RGS14: variants seen among roughly 807,000 people sequenced by gnomAD.
The protein encoded by RGS14 is regulator of G-protein signaling 14.
RGS14 carries 33 observed loss-of-function variants against 63.8 expected under a neutral mutation model. The ratio of observed to expected loss-of-function variants is 0.52; its 90% CI spans 0.39 to 0.69. The LOEUF is 0.69. Ranked by LOEUF, RGS14 falls within the 30% of genes least tolerant of loss-of-function variation. RGS14 has a pLI of 0.00. For synonymous variants in RGS14, 296 were observed against 320.9 expected (o/e 0.92, Z 0.83); for missense variants, 739 against 742.9 (o/e 0.99, Z 0.06).
rs1265591713 is a variant in RGS14, at chr5:177,359,592, G to C, written c.45+1523G>C. 6.6e-6 allele frequency among the ~76,000 whole-genome samples: 1 copy of C among 152,176 alleles called. No homozygotes were observed. Among genetic ancestry groups the C allele is most frequent in the Non-Finnish European group, 1.5e-5 (1 of 68,016 alleles). On this transcript the variant is annotated intron_variant, in intron 1 of 14. Coordinates refer to ENST00000408923, the MANE Select transcript of RGS14 (RefSeq NM_006480.5). This position sits in a 1 kb window ranked among gnomAD's most constrained non-coding sequence, Gnocchi z 4.4. Reference sequence around the variant, plus strand: ...CCTAGAGCAGGGAGGGTGCCCCAAGGTCTGCCCCCAGTTCCATCAAGCCCA... The same window carrying C: ...CCTAGAGCAGGGAGGGTGCCCCAAGCTCTGCCCCCAGTTCCATCAAGCCCA...
At chr5:177,362,847 C>T (rs2127327281) in intron 1 of RGS14, among the ~76,000 whole-genome samples, 1 of 152,298 alleles carries the variant, frequency 6.6e-6, no homozygotes, top group Admixed American at 6.5e-5. Context: ...CACTTAACGA[C>T]ATTCAGTTAA....
At chr5:177,370,818 C>G in intron 10 of RGS14, 87 bp from the exon 11 acceptor site, 3 of 1,551,528 alleles carry the variant, frequency 1.9e-6, no homozygotes, top group Non-Finnish European at 2.6e-6. Flanking sequence ...TTCTGCAGTT[C>G]AAGCTCCACC....
chr5:177,371,312 T>C lies in RGS14; in HGVS notation c.1337-38T>C. ...TGGCCCAGGAGGAAGGGGGTCCAGG[T>C]GGGAGGCAAACACTAACTGTGGCCC... On this transcript the variant is annotated intron_variant, in intron 12 of 14. Coordinates refer to ENST00000408923, the MANE Select transcript of RGS14 (RefSeq NM_006480.5). The surrounding 1 kb of genome is among the most constrained non-coding windows in gnomAD (Gnocchi z 6.1). 1 of 1,613,848 alleles carries C rather than the reference T, an allele frequency of 6.2e-7. No individual in the cohort carries two copies. Among genetic ancestry groups the C allele is most frequent in the Non-Finnish European group, 8.5e-7 (1 of 1,179,926 alleles).
Position 177,366,245 on chromosome 5 carries a change from C to T in RGS14, c.136C>T (p.Leu46Phe), listed in dbSNP as rs1762089695. 3 of 1,591,276 alleles carry T rather than the reference C, an allele frequency of 1.9e-6. No individual in the cohort carries two copies. Among genetic ancestry groups the T allele is most frequent in the Non-Finnish European group, 2.6e-6 (3 of 1,170,058 alleles). Residue 46 changes from leucine to phenylalanine, a missense_variant, in exon 3 of 15, where the codon CTC becomes TTC. By Grantham distance (22) the Leu-to-Phe change is conservative. Coordinates refer to ENST00000408923, the MANE Select transcript of RGS14 (RefSeq NM_006480.5). The stretch of plus-strand genomic sequence containing the variant: ...CGGCAGCTCTCTCAGCATCCACAGC[C>T]TCCCCAGTGGTCCCAGCAGCCCCTT... ...GRGSSLSIHS[L>F]PSGPSSPFPT...
rs1333415811 is a variant in RGS14 at position 177,367,715 on chromosome 5, A to G, written c.629A>G (p.Lys210Arg). 6.2e-7 allele frequency: 1 copy of G among 1,612,552 alleles called. No individual in the cohort carries two copies. Among genetic ancestry groups the G allele is most frequent in the Non-Finnish European group, 8.5e-7 (1 of 1,179,546 alleles). Residue 210 changes from lysine to arginine, a missense_variant and splice_region_variant, in exon 7 of 15, where the codon AAG (lysine) becomes AGG (arginine). Lys to Arg is a conservative substitution (Grantham distance 26). Transcript: ENST00000408923. Reference protein sequence around the residue: ...RLGSPDATRKKPKLKPGKSLP... With the variant: ...RLGSPDATRKRPKLKPGKSLP... Reference sequence around the variant, plus strand: ...CCAGCGCCTCCCCTGTACCCACAGAAGCCGAAGCTGAAGCCCGGGAAGTCG... The same window carrying G: ...CCAGCGCCTCCCCTGTACCCACAGAGGCCGAAGCTGAAGCCCGGGAAGTCG...
In RGS14 at chr5:177,368,897, G is replaced by T. The variant is rs1346440286; in HGVS notation, c.1030G>T (p.Val344Phe). ...KRGLSLPDIK[V>F]YLVGNEQALV... Reference sequence around the variant, plus strand: ...AGGCCTCTCTCTACCTGACATCAAGGTCTACCTGGTGGGCAATGAACAGGT... The same window carrying T: ...AGGCCTCTCTCTACCTGACATCAAGTTCTACCTGGTGGGCAATGAACAGGT... Residue 344 changes from valine (V) to phenylalanine (F), a missense_variant, in exon 9 of 15, where the codon GTC becomes TTC. Val to Phe is a conservative substitution (Grantham distance 50). Coordinates refer to ENST00000408923, the MANE Select transcript of RGS14 (RefSeq NM_006480.5). 1 of 1,614,170 alleles carries T rather than the reference G, an allele frequency of 6.2e-7. No individual in the cohort carries two copies. The highest frequency in any genetic ancestry group is 8.5e-7 in the Non-Finnish European group (1 of 1,180,028).
rs1762293235 is a variant in RGS14 at position 177,372,270 on chromosome 5, C to G, written c.*195C>G. 1.7e-6 allele frequency: 1 copy of G among 596,188 alleles called. No individual in the cohort carries two copies. The highest frequency in any genetic ancestry group is 3.0e-6 in the Non-Finnish European group (1 of 336,784). The allele number at this position is 596,188 out of a possible 1,614,324, so 36.9% of individuals were successfully genotyped here. A position where few individuals can be genotyped will look rare whatever the true frequency, so the allele number is the denominator to read the frequency against. ...CCCCACAGCTGCCACCGCCTTGTCC[C>G]TCAACAAGCTCACCCCCAATCCCTT... On this transcript the variant is annotated 3_prime_UTR_variant, in exon 15 of 15. Transcript: ENST00000408923.
Position 177,372,070 on chromosome 5 carries a change from C to G in RGS14, c.1696C>G (p.Leu566Val). Reference protein sequence around the residue: ...GSLNSTTDSAL With the variant: ...GSLNSTTDSAV ...CTTGAACTCCACCACCGACTCAGCC[C>G]TCTGACAGCTACCCAACAGTCCAGG... The change falls in exon 15 of 15, where the codon CTC becomes GTC. Residue 566 changes from leucine to valine, a missense_variant. Physicochemically the swap from Leu to Val is conservative, Grantham distance 32. Transcript: ENST00000408923. 1 of 1,613,756 alleles carries G rather than the reference C, an allele frequency of 6.2e-7. No individual in the cohort carries two copies. The highest frequency in any genetic ancestry group is 1.3e-5 in the African/African-American group (1 of 75,058).
rs1380318858 is a variant in RGS14 at position 177,371,895 on chromosome 5, G to C, written c.1521G>C (p.Arg507=). 1 of 1,613,366 alleles carries C rather than the reference G, an allele frequency of 6.2e-7. No individual in the cohort carries two copies. The highest frequency in any genetic ancestry group is 1.3e-5 in the African/African-American group (1 of 74,916). ...DIEGLVELLN[R]VQSSGAHDQR... ...CAGGCCTGGTGGAGCTGCTGAACCG[G>C]GTGCAGAGCAGCGGGGCCCACGACC... Residue 507 remains arginine, a synonymous_variant, in exon 15 of 15, where the codon CGG becomes CGC. Transcript: ENST00000408923. The surrounding 1 kb of genome is among the most constrained non-coding windows in gnomAD (Gnocchi z 6.1).
Position 177,371,747 on chromosome 5 carries a change from A to AG in RGS14, c.1499-121dup. On this transcript the variant is annotated intron_variant, in intron 14 of 14. Transcript: ENST00000408923. This position sits in a 1 kb window ranked among gnomAD's most constrained non-coding sequence, Gnocchi z 6.1. ...GTTGGGGGGTCAAAGGGGCTGGAAC[A>AG]GGGGGCCGCAGGCCATTGGTGCTGG... is the stretch of plus-strand genomic sequence containing the variant. The AG allele has an allele frequency of 1.1e-6, 1 of 947,226 alleles. No homozygotes were observed. The highest frequency in any genetic ancestry group is 2.1e-5 in the African/African-American group (1 of 46,656). The allele number at this position is 947,226 out of a possible 1,614,324, so 58.7% of individuals were successfully genotyped here.
chr5:177,367,077 G>A lies in RGS14; in HGVS notation c.483+43G>A, dbSNP rs748272716. The A allele has an allele frequency of 7.6e-6, 12 of 1,574,964 alleles. No individual in the cohort carries two copies. The South Asian group carries it at 1.3e-4, about 17-fold the overall frequency. On this transcript the variant is annotated intron_variant, in intron 5 of 14. Transcript: ENST00000408923. ...GATTGGCCTTGAAAGGGAGACAAAA[G>A]GAGCAGGGGCGGGGTCGGACCCTGG...
rs1319668282 is a variant in RGS14 at position 177,366,237 on chromosome 5, T to A, written c.128T>A (p.Ile43Asn). 5 of 1,593,720 alleles carry A rather than the reference T, an allele frequency of 3.1e-6. No individual in the cohort carries two copies. The highest frequency in any genetic ancestry group is 4.3e-6 in the Non-Finnish European group (5 of 1,171,306). ...GAGGGCCGCGGCAGCTCTCTCAGCATCCACAGCCTCCCCAGTGGTCCCAGC... is the reference window on the plus strand; with the variant it reads ...GAGGGCCGCGGCAGCTCTCTCAGCAACCACAGCCTCCCCAGTGGTCCCAGC... ...QGEGRGSSLS[I>N]HSLPSGPSSP... is the part of the protein sequence containing the mutation. Residue 43 changes from isoleucine (I) to asparagine (N), a missense_variant, in exon 3 of 15, where the codon ATC (isoleucine) becomes AAC (asparagine). Coordinates refer to ENST00000408923, the MANE Select transcript of RGS14 (RefSeq NM_006480.5).
At position 177,371,084 on chromosome 5, in the gene RGS14, GC is replaced by G. The variant is rs1486721668; in HGVS notation, c.1254+55del. ...GGGGCGGGGCCGGGCCGGGGCCGGG[GC>G]CGGGGCCGGGGCCGGGGCCGGGGCC... On this transcript the variant is annotated intron_variant, in intron 11 of 14. Transcript: ENST00000408923. This position sits in a 1 kb window ranked among gnomAD's most constrained non-coding sequence, Gnocchi z 6.1. The G allele has an allele frequency of 1.9e-3, 996 of 535,678 alleles. 24 individuals carry two copies. The African/African-American group carries it at 0.032, about 17-fold the overall frequency. The allele number at this position is 535,678 out of a possible 1,614,324, so 33.2% of individuals were successfully genotyped here. A position where few individuals can be genotyped will look rare whatever the true frequency, so the allele number is the denominator to read the frequency against.
chr5:177,360,687 G>A (rs1400460483), intron 1 of RGS14, among the ~76,000 whole-genome samples: 1 of 151,764 alleles, frequency 6.6e-6, no homozygotes, highest in Admixed American at 6.6e-5. Context: ...GCCGAGGCGG[G>A]CAGATCATGA....
At position 177,367,881 on chromosome 5, in the gene RGS14, T is replaced by C; in HGVS notation, c.739+56T>C. The C allele has an allele frequency of 2.0e-6, 3 of 1,489,272 alleles. No individual in the cohort carries two copies. The African/African-American group carries it at 4.2e-5, about 21-fold the overall frequency. The allele number at this position is 1,489,272 out of a possible 1,614,324, so 92.3% of individuals were successfully genotyped here. A position where few individuals can be genotyped will look rare whatever the true frequency, so the allele number is the denominator to read the frequency against. The stretch of plus-strand genomic sequence containing the variant: ...GGGAAGGCGGGAGTTTGGTTAAATT[T>C]GGGGAGTGCCCCCTTCCTCCTACGT... On this transcript the variant is annotated intron_variant, in intron 7 of 14. Transcript: ENST00000408923.
intron 1 of RGS14, among the ~76,000 whole-genome samples, chr5:177,361,614 T>C (rs1357243796): frequency 3.9e-5 from 6 of 152,018 alleles, no homozygotes; most frequent in African/African-American, 1.2e-4. Flanking sequence ...AGTTTCCTCA[T>C]CTGTAAAATG....
chr5:177,369,189 C>G (rs1762180874), intron 9 of RGS14: 1 of 510,960 alleles, frequency 2.0e-6, no homozygotes, highest in Non-Finnish European at 3.6e-6. Context: ...GGGTTTGCCC[C>G]TCATCATTCC....
rs2127328834 is a variant in RGS14, at chr5:177,364,272, G to A, written c.46-1691G>A. On this transcript the variant is annotated intron_variant, in intron 1 of 14. Transcript: ENST00000408923. The surrounding 1 kb of genome is among the most constrained non-coding windows in gnomAD (Gnocchi z 4.6). Reference sequence around the variant, plus strand: ...CTGGTGGTAGGAACTTCTGTGACAGGGCATGGTGAAAGTGTAGGAGGTAAG... The same window carrying A: ...CTGGTGGTAGGAACTTCTGTGACAGAGCATGGTGAAAGTGTAGGAGGTAAG... Among the ~76,000 whole-genome samples, 1 of 152,268 alleles carries A rather than the reference G, an allele frequency of 6.6e-6. No individual in the cohort carries two copies. The highest frequency in any genetic ancestry group is 1.9e-4 in the East Asian group (1 of 5,190).
At position 177,367,744 on chromosome 5, in the gene RGS14, C is replaced by T. The variant is rs772672265; in HGVS notation, c.658C>T (p.Pro220Ser). Reference protein sequence around the residue: ...KPKLKPGKSLPLGVEELGQLP... With the variant: ...KPKLKPGKSLSLGVEELGQLP... Reference sequence around the variant, plus strand: ...GAAGCTGAAGCCCGGGAAGTCGCTGCCGCTGGGTGTGGAGGAGTTGGGGCA... The same window carrying T: ...GAAGCTGAAGCCCGGGAAGTCGCTGTCGCTGGGTGTGGAGGAGTTGGGGCA... The change falls in exon 7 of 15, where the codon CCG (proline) becomes TCG (serine). Residue 220 changes from proline (P) to serine (S), a missense_variant. Pro to Ser is a moderately conservative substitution (Grantham distance 74). Coordinates refer to ENST00000408923, the MANE Select transcript of RGS14 (RefSeq NM_006480.5). 8.1e-6 allele frequency: 13 copies of T among 1,613,206 alleles called. No homozygotes were observed. Among genetic ancestry groups the T allele is most frequent in the Non-Finnish European group, 8.5e-6 (10 of 1,179,790 alleles).
Sources: gnomAD v4.1 joint callset for allele counts (sites outside exome capture counted in the v4.1 genomes callset) on GRCh38, gnomAD v4.1.1 for gene constraint, Gnocchi (gnomAD v3.1) non-coding constraint, MANE v1.5 for transcripts, NCBI Gene and HGNC (gene_info 2026-07-23, HGNC 2026-07-21) for gene names.